The following TRIP13 variants were observed in gnomAD, a reference collection of about 807,000 sequenced individuals.
TRIP13 encodes the protein thyroid hormone receptor interactor 13.
TRIP13 carries 25 observed loss-of-function variants against 54.4 expected under a neutral mutation model. The observed-to-expected ratio is 0.46, with a 90% CI of 0.33 to 0.64. TRIP13 has a LOEUF of 0.64. Among genes scored for constraint, TRIP13 ranks in the 30% least tolerant of loss-of-function variants. The pLI, the probability that TRIP13 is intolerant of heterozygous loss-of-function variation, is 0.02. For synonymous variants in TRIP13, 207 were observed against 207.8 expected, an observed-to-expected ratio of 1.00 and a Z score of 0.03; for missense variants, 373 against 534.2, an observed-to-expected ratio of 0.70 and a Z score of 2.97.
At chr5:894,327 G>A (rs947322955) in intron 1 of TRIP13, among the ~76,000 whole-genome samples, 2 of 152,238 alleles carry the variant, frequency 1.3e-5, no homozygotes, top group East Asian at 1.9e-4. Flanking sequence ...GGGGACCAAG[G>A]GAAGCCCTGG....
At chr5:906,644 C>G (rs541324245) in intron 6 of TRIP13, among the ~76,000 whole-genome samples, 1 of 152,256 alleles carries the variant, frequency 6.6e-6, no homozygotes, top group East Asian at 1.9e-4. Context: ...GATCTGTCTG[C>G]GGGCTTCTGA....
rs1754370294 is a variant in TRIP13, at chr5:917,913, A to G, written c.*810A>G. On this transcript the variant is annotated 3_prime_UTR_variant, in exon 13 of 13. Transcript: ENST00000166345. The stretch of plus-strand genomic sequence containing the variant: ...GTCAGTTACTGGTCTCTTTCTCCGA[A>G]TGTTATGTTTTGCTTTTATCTCACA... 1 of 152,130 alleles carries G rather than the reference A, an allele frequency of 6.6e-6. No homozygotes were observed. The highest frequency in any genetic ancestry group is 1.5e-5 in the Non-Finnish European group (1 of 68,028). 9.4% of individuals were successfully genotyped at this position (152,130 alleles called of 1,614,324 possible).
intron 5 of TRIP13, 128 bp downstream of exon 5, chr5:901,559 TC>T: frequency 1.3e-6 from 1 of 775,924 alleles, no homozygotes; most frequent in South Asian, 1.8e-5. Flanking sequence ...TCCTAGAATG[TC>T]CCCTCTCTGT....
intron 2 of TRIP13, among the ~76,000 whole-genome samples, chr5:895,787 C>T (rs1373809311): frequency 1.3e-5 from 2 of 152,160 alleles, no homozygotes; most frequent in East Asian, 1.9e-4. Flanking sequence ...AGGAATTTAT[C>T]GTAGCTGATA....
chr5:902,691 T>C (rs535625621), intron 5 of TRIP13, among the ~76,000 whole-genome samples: 3 of 152,024 alleles, frequency 2.0e-5, no homozygotes, highest in East Asian at 1.9e-4. Flanking sequence ...CAGCTGGGCC[T>C]GGGGGACCAC....
chr5:906,783 C>T (rs1560947669), intron 6 of TRIP13, among the ~76,000 whole-genome samples: 1 of 152,180 alleles, frequency 6.6e-6, no homozygotes, highest in Non-Finnish European at 1.5e-5. Context: ...GGAAAATGCT[C>T]AGCTCCTGCC....
At chr5:903,108 G>A (rs981363724) in intron 5 of TRIP13, among the ~76,000 whole-genome samples, 1 of 152,048 alleles carries the variant, frequency 6.6e-6, no homozygotes, top group Non-Finnish European at 1.5e-5. Context: ...CACAAGAGGT[G>A]GAGGGGTAGA....
Position 908,221 on chromosome 5 carries a change from C to G in TRIP13, c.760-134C>G. 3 of 1,375,332 alleles carry G rather than the reference C, an allele frequency of 2.2e-6. No homozygotes were observed. 85.2% of individuals were successfully genotyped at this position (1,375,332 alleles called of 1,614,324 possible). A position where few individuals can be genotyped will look rare whatever the true frequency, so the allele number is the denominator to read the frequency against. On this transcript the variant is annotated intron_variant, in intron 8 of 12. Coordinates refer to ENST00000166345, the MANE Select transcript of TRIP13 (RefSeq NM_004237.4). The surrounding 1 kb of genome is among the most constrained non-coding windows in gnomAD (Gnocchi z 5.2). ...TGCACTGTGCGCCTTTCCACCTTGC[C>G]GCAGCATCCGCAGGCTAGGCACGGG...
rs972667531 is a variant in TRIP13, at chr5:907,904, G to A, written c.673-84G>A. 76 of 1,399,642 alleles carry A rather than the reference G, an allele frequency of 5.4e-5. No homozygotes were observed. Among genetic ancestry groups the A allele is most frequent in the Non-Finnish European group, 1.6e-5 (16 of 988,058 alleles). The allele number at this position is 1,399,642 out of a possible 1,614,324, so 86.7% of individuals were successfully genotyped here. ...ACAGTGGGCTTGTGGGGACAACTGG[G>A]GCAGCAGGCCACATCAGGGTCCCCC... On this transcript the variant is annotated intron_variant, in intron 7 of 12. Transcript: ENST00000166345. The surrounding 1 kb of genome is among the most constrained non-coding windows in gnomAD (Gnocchi z 4.1).
At position 908,789 on chromosome 5, in the gene TRIP13, T is replaced by G. The variant is rs1466124914; in HGVS notation, c.866+328T>G. 1 of 564,210 alleles carries G rather than the reference T, an allele frequency of 1.8e-6. No homozygotes were observed. Among genetic ancestry groups the G allele is most frequent in the East Asian group, 8.1e-5 (1 of 12,308 alleles). 35.0% of individuals were successfully genotyped at this position (564,210 alleles called of 1,614,324 possible). On this transcript the variant is annotated intron_variant, in intron 9 of 12. Transcript: ENST00000166345. This position sits in a 1 kb window ranked among gnomAD's most constrained non-coding sequence, Gnocchi z 5.2. ...CTGGCTGACACGGTGAAACCCTGTC[T>G]CTACTAAAAATACAAAAAATTAGCT...
intron 1 of TRIP13, 147 bp downstream of exon 1, chr5:893,237 C>A (rs1443929971): frequency 3.7e-6 from 3 of 800,472 alleles, no homozygotes; most frequent in African/African-American, 1.8e-5. Context: ...GGCGCACAGG[C>A]CGCCGGGCCC....
At chr5:918,483 C>T (rs1330987889), downstream of TRIP13, among the ~76,000 whole-genome samples, 1 of 152,150 alleles carries the variant, frequency 6.6e-6, no homozygotes, top group Non-Finnish European at 1.5e-5. The surrounding 1 kb of genome is among the most constrained non-coding windows in gnomAD (Gnocchi z 4.3). Flanking sequence ...CCCTTGTACT[C>T]ACAAGTTCTT....
At chr5:906,291 A>G (rs1013056312) in intron 6 of TRIP13, among the ~76,000 whole-genome samples, 2 of 152,224 alleles carry the variant, frequency 1.3e-5, no homozygotes, top group Non-Finnish European at 2.9e-5. Flanking sequence ...AGATCTGGAA[A>G]TATGCATTGG....
At chr5:901,546 C>T (rs756448374) in intron 5 of TRIP13, 115 bp downstream of exon 5, 33 of 928,698 alleles carry the variant, frequency 3.6e-5, no homozygotes, top group Non-Finnish European at 5.3e-5. Context: ...GGAGCCACAG[C>T]TGTCCTAGAA....
chr5:901,455 G>T (rs779727039), intron 5 of TRIP13, 24 bp downstream of exon 5: 2 of 1,609,178 alleles, frequency 1.2e-6, no homozygotes, highest in Admixed American at 3.4e-5. Context: ...GCTTTTATTT[G>T]ACCAGATAAG....
chr5:900,386 T>G, intron 3 of TRIP13, 108 bp from the exon 4 acceptor site: 1 of 1,068,348 alleles, frequency 9.4e-7, no homozygotes, highest in Non-Finnish European at 1.4e-6. Context: ...TAGTCTTGCC[T>G]GGAGCAGCAC....
intron 11 of TRIP13, among the ~76,000 whole-genome samples, 169 bp downstream of exon 11, chr5:914,746 T>A (rs760817227): frequency 6.6e-6 from 1 of 151,244 alleles, no homozygotes; most frequent in Non-Finnish European, 1.5e-5. Flanking sequence ...TGTGTGCATG[T>A]GAGTAGAAAC....
Position 892,997 on chromosome 5 carries a change from C to G in TRIP13, c.-2C>G. ...TGGGTCCCCACTGCTCTCGGGGGCGCCATGGACGAGGCCGTGGGCGACCTG... is the reference window on the plus strand; with the variant it reads ...TGGGTCCCCACTGCTCTCGGGGGCGGCATGGACGAGGCCGTGGGCGACCTG... On this transcript the variant is annotated 5_prime_UTR_variant, in exon 1 of 13. Transcript: ENST00000166345. 1.3e-6 allele frequency: 2 copies of G among 1,543,918 alleles called. No homozygotes were observed. The highest frequency in any genetic ancestry group is 8.7e-7 in the Non-Finnish European group (1 of 1,148,836).
At chr5:900,613 T>C in intron 4 of TRIP13, 64 bp downstream of exon 4, 1 of 1,573,060 alleles carries the variant, frequency 6.4e-7, no homozygotes, top group Non-Finnish European at 8.6e-7. Flanking sequence ...ACTGTTTTGC[T>C]CTCCAACACC....
Sources: allele counts gnomAD v4.1 joint callset (sites outside exome capture counted in the v4.1 genomes callset), GRCh38; gene constraint gnomAD v4.1.1; non-coding constraint Gnocchi (gnomAD v3.1); transcripts MANE v1.5; gene names NCBI Gene and HGNC (gene_info 2026-07-23, HGNC 2026-07-21).